RFX3: variants seen among roughly 807,000 people sequenced by gnomAD.
RFX3 encodes regulatory factor X3, also known as transcription factor RFX3.
RFX3 carries 14 observed loss-of-function variants against 98.6 expected under a neutral mutation model. That is an observed-to-expected ratio of 0.14 (90% CI 0.09 to 0.22). The LOEUF is 0.22. Among genes scored for constraint, RFX3 ranks in the 10% least tolerant of loss-of-function variants. The pLI is 1.00. For missense variants in RFX3, 639 were observed against 926.9 expected, an observed-to-expected ratio of 0.69 and a Z score of 4.03; for synonymous variants, 383 against 328.4, an observed-to-expected ratio of 1.17 and a Z score of -1.80.
At chr9:3,245,291 A>G (rs1226451081) in intron 15 of RFX3, among the ~76,000 whole-genome samples, 1 of 152,234 alleles carries the variant, frequency 6.6e-6, no homozygotes, top group Non-Finnish European at 1.5e-5. Flanking sequence ...GCTTCCAGGT[A>G]GAAAGAACCA....
intron 3 of RFX3, among the ~76,000 whole-genome samples, chr9:3,340,488 C>T (rs1484059921): frequency 6.6e-6 from 1 of 152,056 alleles, no homozygotes; most frequent in Non-Finnish European, 1.5e-5. Flanking sequence ...GGGAGAAAAT[C>T]TTTGCAATCT....
chr9:3,346,619 T>C (rs1467639591), intron 3 of RFX3, 48 bp downstream of exon 3: 2 of 1,209,684 alleles, frequency 1.7e-6, no homozygotes, highest in African/African-American at 3.0e-5. Context: ...AAGTACATTA[T>C]TTTTCTCTGA....
chr9:3,372,016 C>T (rs1194572864), intron 2 of RFX3, among the ~76,000 whole-genome samples: 1 of 152,088 alleles, frequency 6.6e-6, no homozygotes, highest in Non-Finnish European at 1.5e-5. Context: ...ATTCTAATAC[C>T]TAAGTGGTAA....
intron 1 of RFX3, among the ~76,000 whole-genome samples, chr9:3,409,085 T>C (rs1027472369): frequency 9.9e-5 from 15 of 152,254 alleles, no homozygotes; most frequent in African/African-American, 3.4e-4. Context: ...AAGTAAATAC[T>C]GTTGTAATCC....
intron 5 of RFX3, among the ~76,000 whole-genome samples, chr9:3,298,280 A>C (rs1211159031): frequency 6.6e-6 from 1 of 151,902 alleles, no homozygotes; most frequent in Non-Finnish European, 1.5e-5. Context: ...GAAATAATTG[A>C]GTGACCATAC....
intron 1 of RFX3, among the ~76,000 whole-genome samples, chr9:3,402,590 A>C (rs12347985): frequency 0.2 from 29,974 of 151,904 alleles, 4,884 homozygotes; most frequent in African/African-American, 0.45. Flanking sequence ...AATGTTTTGC[A>C]GGTGAAAATT....
intron 1 of RFX3, among the ~76,000 whole-genome samples, chr9:3,508,220 C>T (rs1817301622): frequency 1.3e-5 from 2 of 151,912 alleles, no homozygotes; most frequent in Admixed American, 6.6e-5. Flanking sequence ...CTTCTCTGCA[C>T]ATCCAACAAA....
intron 1 of RFX3, among the ~76,000 whole-genome samples, chr9:3,467,460 T>G (rs1279617847): frequency 6.6e-6 from 1 of 151,640 alleles, no homozygotes; most frequent in Non-Finnish European, 1.5e-5. Flanking sequence ...TGAGAAAGTA[T>G]TTTAAAACCT....
chr9:3,282,329 G>T (rs1826014593), intron 7 of RFX3, among the ~76,000 whole-genome samples: 1 of 151,754 alleles, frequency 6.6e-6, no homozygotes, highest in Non-Finnish European at 1.5e-5. Flanking sequence ...AACCATGCTG[G>T]TTAATGATAG....
Position 3,271,034 on chromosome 9 carries a change from G to C in RFX3, c.1171C>G (p.Pro391Ala), listed in dbSNP as rs765114092. ...QTFWRYSPSTPTDGTTITESS... is the reference protein window; with the variant it reads ...QTFWRYSPSTATDGTTITESS... ...TCGGTAATGGTAGTGCCATCAGTTG[G>C]AGTAGAGGGAGAATAGCGCCAGAAT... Residue 391 changes from proline (P) to alanine (A), a missense_variant, in exon 10 of 17, where the codon CCA becomes GCA. Physicochemically the swap from Pro to Ala is conservative, Grantham distance 27. This residue lies in a region of RFX3 where 30 missense variants were observed against 23.0 expected (regional missense o/e 1.30). Transcript: ENST00000617270. 9.9e-6 allele frequency: 16 copies of C among 1,613,680 alleles called. No homozygotes were observed. Among genetic ancestry groups the C allele is most frequent in the Non-Finnish European group, 1.3e-5 (15 of 1,179,654 alleles).
intron 2 of RFX3, among the ~76,000 whole-genome samples, chr9:3,391,668 G>A (rs78424503): frequency 0.01 from 1,558 of 152,230 alleles, 24 homozygotes; most frequent in African/African-American, 0.036. Flanking sequence ...TGAAGTGTTG[G>A]GGGTGGTGAG....
At chr9:3,475,110 AAAAG>A (rs1191017014) in intron 1 of RFX3, among the ~76,000 whole-genome samples, 2 of 151,452 alleles carry the variant, frequency 1.3e-5, no homozygotes, top group Non-Finnish European at 2.9e-5. Flanking sequence ...CAAAAAAAAA[AAAAG>A]AAAGAAAAAG....
At chr9:3,494,231 C>G (rs1480631821) in intron 1 of RFX3, among the ~76,000 whole-genome samples, 1 of 152,108 alleles carries the variant, frequency 6.6e-6, no homozygotes, top group East Asian at 1.9e-4. Flanking sequence ...TTTGCATAGA[C>G]TCTGGTGTTA....
chr9:3,267,640 G>C (rs768197907), intron 11 of RFX3, among the ~76,000 whole-genome samples: 1 of 151,790 alleles, frequency 6.6e-6, no homozygotes, highest in African/African-American at 2.4e-5. Context: ...TAACCACGAG[G>C]ATCATCTACT....
At chr9:3,273,819 C>T (rs1192987730) in intron 9 of RFX3, among the ~76,000 whole-genome samples, 3 of 148,966 alleles carry the variant, frequency 2.0e-5, no homozygotes, top group Non-Finnish European at 3.0e-5. Context: ...GAGCCGAGAT[C>T]GCACTACTGC....
chr9:3,307,602 T>C (rs1411943472), intron 4 of RFX3, among the ~76,000 whole-genome samples: 3 of 152,168 alleles, frequency 2.0e-5, no homozygotes, highest in African/African-American at 7.2e-5. Context: ...GTATTTTTAC[T>C]TGAAATGAAC....
chr9:3,309,249 G>A (rs1402903712), intron 4 of RFX3, among the ~76,000 whole-genome samples: 1 of 152,132 alleles, frequency 6.6e-6, no homozygotes, highest in African/African-American at 2.4e-5. Context: ...CAAGGGAGAT[G>A]TCGTATTTCA....
At chr9:3,357,225 T>C (rs1835883688) in intron 2 of RFX3, among the ~76,000 whole-genome samples, 1 of 151,994 alleles carries the variant, frequency 6.6e-6, no homozygotes, top group Non-Finnish European at 1.5e-5. Flanking sequence ...TATGTAAACC[T>C]TGATGGATAT....
At chr9:3,277,611 G>A in intron 7 of RFX3, 150 bp from the exon 8 acceptor site, 1 of 603,654 alleles carries the variant, frequency 1.7e-6, no homozygotes, top group African/African-American at 1.9e-5. Flanking sequence ...GTCTCATAAA[G>A]TTAGAAGGCA....
Sources: allele counts gnomAD v4.1 joint callset (sites outside exome capture counted in the v4.1 genomes callset), GRCh38; gene constraint gnomAD v4.1.1; regional missense constraint gnomAD v4.1.1; transcripts MANE v1.5; gene names NCBI Gene and HGNC (gene_info 2026-07-23, HGNC 2026-07-21).